Variants in USP30 observed in about 807,000 individuals in gnomAD.
USP30 encodes ubiquitin carboxyl-terminal hydrolase 30.
USP30 carries 41 observed loss-of-function variants against 68.2 expected under a neutral mutation model. The ratio of observed to expected loss-of-function variants is 0.60; its 90% confidence interval spans 0.47 to 0.78. The LOEUF (loss-of-function observed/expected upper bound fraction) is 0.78. Among genes scored for constraint, USP30 ranks in the 30% least tolerant of loss-of-function variants. The pLI is 0.00. For synonymous variants in USP30, 229 were observed against 253.7 expected (o/e 0.90, Z 0.93); for missense variants, 522 against 649.4 (o/e 0.80, Z 2.13).
Position 109,041,561 on chromosome 12 carries a change from G to A in USP30, c.-135-6029G>A, listed in dbSNP as rs143893760. 1.6e-3 allele frequency among the ~76,000 whole-genome samples: 246 copies of A among 152,008 alleles called. 1 individual carries two copies. Among genetic ancestry groups the A allele is most frequent in the African/African-American group, 5.6e-3 (232 of 41,430 alleles). On this transcript the variant is annotated intron_variant, in intron 3 of 15. Coordinates refer to the USP30 transcript ENST00000392784. ...GAGGCAGAGGAATCGCTTGAACCTG[G>A]TAGGTGGAGGTTGCAGTGAGCCAAG...
intron 2 of USP30, among the ~76,000 whole-genome samples, chr12:109,027,168 C>T (rs1056457603): frequency 2.8e-4 from 43 of 152,280 alleles, no homozygotes; most frequent in African/African-American, 9.4e-4. Flanking sequence ...ATAACCATCA[C>T]GCTATTGACT....
chr12:109,049,912 C>T (rs1299107229), upstream of USP30, among the ~76,000 whole-genome samples: 1 of 152,156 alleles, frequency 6.6e-6, no homozygotes, highest in African/African-American at 2.4e-5. Flanking sequence ...AAAATGGTGC[C>T]AATAGACTTG....
chr12:109,044,357 T>C (rs2040585628), intron 3 of USP30, among the ~76,000 whole-genome samples: 1 of 152,138 alleles, frequency 6.6e-6, no homozygotes, highest in Non-Finnish European at 1.5e-5. Flanking sequence ...AGAATGGTTG[T>C]CCAGACATGG....
chr12:109,044,396 G>T (rs2040585992), intron 3 of USP30, among the ~76,000 whole-genome samples: 1 of 152,170 alleles, frequency 6.6e-6, no homozygotes, highest in Non-Finnish European at 1.5e-5. Context: ...TGAGCAGTTT[G>T]GGAGGCTGAG....
intron 7 of USP30, among the ~76,000 whole-genome samples, chr12:109,075,541 C>G (rs1465106364): frequency 2.0e-5 from 3 of 152,158 alleles, no homozygotes; most frequent in East Asian, 3.9e-4. Context: ...TAGTAGAGAT[C>G]GGGTTTCACC....
intron 3 of USP30, among the ~76,000 whole-genome samples, chr12:109,034,769 T>A (rs1439935866): frequency 1.3e-5 from 2 of 152,182 alleles, no homozygotes; most frequent in African/African-American, 2.4e-5. Context: ...CCTTTAATTC[T>A]GTCCTTTTTT....
At chr12:109,058,141 A>G (rs2040934595) in intron 3 of USP30, 33 bp downstream of exon 3, 1 of 1,567,842 alleles carries the variant, frequency 6.4e-7, no homozygotes, top group Admixed American at 1.9e-5. Flanking sequence ...GGAATTATGT[A>G]CCTTTTCAAA....
At chr12:109,049,499 C>A (rs1251258725), upstream of USP30, among the ~76,000 whole-genome samples, 1 of 152,150 alleles carries the variant, frequency 6.6e-6, no homozygotes, top group Non-Finnish European at 1.5e-5. Flanking sequence ...TCACAGATCA[C>A]CTTAATAGGT....
chr12:109,080,122 C>T (rs2041751377), intron 7 of USP30, among the ~76,000 whole-genome samples: 2 of 152,180 alleles, frequency 1.3e-5, no homozygotes, highest in South Asian at 4.1e-4. Flanking sequence ...CCCCTGTGCA[C>T]GTGTGGTTCA....
At chr12:109,039,198 C>T (rs559017880) in intron 3 of USP30, among the ~76,000 whole-genome samples, 11 of 152,184 alleles carry the variant, frequency 7.2e-5, no homozygotes, top group African/African-American at 1.7e-4. Flanking sequence ...GATTTTTCTC[C>T]GTTTTCCTCA....
rs182726920 is a variant in USP30, at chr12:109,025,888, T to C, written c.-228+816T>C. Among the ~76,000 whole-genome samples the C allele has an allele frequency of 7.1e-3, 1,074 of 151,946 alleles. 10 individuals carry two copies. The highest frequency in any genetic ancestry group is 8.1e-3 in the Non-Finnish European group (550 of 67,936). On this transcript the variant is annotated intron_variant, in intron 2 of 15. Coordinates refer to the USP30 transcript ENST00000392784. ...TTTTTTGTAGAGATGGAGTTTTGCT[T>C]CATTGCCCAGGCCGATCTCAAACTC...
chr12:109,056,639 G>C, intron 1 of USP30, 43 bp from the exon 2 acceptor site: 1 of 1,445,610 alleles, frequency 6.9e-7, no homozygotes, highest in Non-Finnish European at 9.5e-7. Flanking sequence ...TTTGCCTTTT[G>C]TGTTTGTGTG....
At chr12:109,081,129 C>T (rs866957471) in intron 7 of USP30, among the ~76,000 whole-genome samples, 40 of 152,188 alleles carry the variant, frequency 2.6e-4, no homozygotes, top group African/African-American at 8.9e-4. Context: ...TTGTTCCAAG[C>T]GATTCTTTAG....
intron 3 of USP30, among the ~76,000 whole-genome samples, chr12:109,059,203 T>C (rs183736591): frequency 6.6e-6 from 1 of 152,320 alleles, no homozygotes; most frequent in East Asian, 1.9e-4. Context: ...TTTTTTGTTT[T>C]TGTTTTTTGA....
intron 7 of USP30, among the ~76,000 whole-genome samples, chr12:109,078,754 GT>G (rs2041692645): frequency 6.6e-6 from 1 of 152,036 alleles, no homozygotes; most frequent in African/African-American, 2.4e-5. Flanking sequence ...TTTGTTATAG[GT>G]GTACTGCTGA....
At chr12:109,052,372 G>C (rs994007920), upstream of USP30, 6 of 264,640 alleles carry the variant, frequency 2.3e-5, no homozygotes, top group Admixed American at 2.2e-4. Context: ...TGTGCCATCT[G>C]TATTTATGAA....
intron 3 of USP30, among the ~76,000 whole-genome samples, chr12:109,039,874 G>C (rs564369765): frequency 6.6e-6 from 1 of 152,154 alleles, no homozygotes; most frequent in Non-Finnish European, 1.5e-5. Context: ...CTCCCAAAGT[G>C]CTGGGATTAC....
chr12:109,037,066 G>T (rs1258105285), intron 3 of USP30, among the ~76,000 whole-genome samples: 1 of 151,930 alleles, frequency 6.6e-6, no homozygotes, highest in East Asian at 1.9e-4. Context: ...GCCTAAATTG[G>T]TATGCCTGAT....
chr12:109,035,193 C>T (rs907517744), intron 3 of USP30, among the ~76,000 whole-genome samples: 2 of 151,770 alleles, frequency 1.3e-5, no homozygotes, highest in Non-Finnish European at 2.9e-5. Context: ...GTCTTTTTTG[C>T]TCCTCAGCTC....
Sources: gnomAD v4.1 joint callset for allele counts (sites outside exome capture counted in the v4.1 genomes callset) on GRCh38, gnomAD v4.1.1 for gene constraint, MANE v1.5 for transcripts, NCBI Gene and HGNC (gene_info 2026-07-23, HGNC 2026-07-21) for gene names.